SH3PXD2B: variants seen among roughly 807,000 people sequenced by gnomAD.
SH3PXD2B encodes the protein SH3 and PX domains 2B.
In SH3PXD2B, 37 loss-of-function variants were observed where a neutral mutation model predicts 73.1. That is an observed-to-expected ratio of 0.51 (90% CI 0.39 to 0.67). The LOEUF is 0.67. SH3PXD2B is among the 30% of genes least tolerant of loss of function. SH3PXD2B has a pLI of 0.00. For synonymous variants in SH3PXD2B, 457 were observed against 480.5 expected (o/e 0.95, Z 0.64); for missense variants, 1,053 against 1,197.8 (o/e 0.88, Z 1.78).
At chr5:172,423,175 T>C (rs1207780296) in intron 1 of SH3PXD2B, among the ~76,000 whole-genome samples, 2 of 152,040 alleles carry the variant, frequency 1.3e-5, no homozygotes, top group Non-Finnish European at 2.9e-5. Flanking sequence ...CCGGGCAAAC[T>C]GAGGTGACTA....
chr5:172,329,020 T>C (rs561686874), downstream of SH3PXD2B, among the ~76,000 whole-genome samples: 537 of 86,718 alleles, frequency 6.2e-3, 4 homozygotes, highest in African/African-American at 0.019. Context: ...TATATATACA[T>C]ATATACATAT....
chr5:172,451,141 G>C (rs1248486248), intron 1 of SH3PXD2B, among the ~76,000 whole-genome samples: 1 of 152,236 alleles, frequency 6.6e-6, no homozygotes, highest in Non-Finnish European at 1.5e-5. Flanking sequence ...CCATTTCAGA[G>C]GGAGCAGGTG....
At chr5:172,414,529 G>A (rs201169052) in intron 2 of SH3PXD2B, among the ~76,000 whole-genome samples, 19 of 151,682 alleles carry the variant, frequency 1.3e-4, no homozygotes, top group Non-Finnish European at 2.2e-4. Context: ...GGAAACAAGC[G>A]GTTTTTGCTG....
At position 172,350,573 on chromosome 5, in the gene SH3PXD2B, C is replaced by T; in HGVS notation, c.802G>A (p.Gly268Ser). 6.2e-7 allele frequency: 1 copy of T among 1,609,834 alleles called. No homozygotes were observed. The highest frequency in any genetic ancestry group is 8.5e-7 in the Non-Finnish European group (1 of 1,178,158). ...WWKIRYQGKEGWAPASYLKKN... is the reference protein window; with the variant it reads ...WWKIRYQGKESWAPASYLKKN... ...TTTAGGTAGGAGGCGGGGGCCCAGC[C>T]TTCTTTGCCCTGGTACCTGTGAAGA... Residue 268 changes from glycine (G) to serine (S), a missense_variant, in exon 10 of 13, where the codon GGC (glycine) becomes AGC (serine). Gly to Ser is a moderately conservative substitution (Grantham distance 56). Around this residue, in one of 2 missense-constraint regions of SH3PXD2B, gnomAD observed 466 missense variants for 607.1 expected, o/e 0.77. Coordinates refer to ENST00000311601, the MANE Select transcript of SH3PXD2B (RefSeq NM_001017995.3).
intron 8 of SH3PXD2B, among the ~76,000 whole-genome samples, chr5:172,356,206 G>A (rs1757269155): frequency 6.6e-6 from 1 of 152,066 alleles, no homozygotes; most frequent in African/African-American, 2.4e-5. Context: ...GTCCCTTAAA[G>A]GTACTTGAAA....
chr5:172,387,511 C>A (rs1458340578), intron 4 of SH3PXD2B, among the ~76,000 whole-genome samples: 1 of 152,198 alleles, frequency 6.6e-6, no homozygotes, highest in East Asian at 1.9e-4. Flanking sequence ...CCCTTCAGAA[C>A]GGGGCCCTGG....
At chr5:172,414,560 GGA>G (rs1220854695) in intron 2 of SH3PXD2B, among the ~76,000 whole-genome samples, 1 of 151,976 alleles carries the variant, frequency 6.6e-6, no homozygotes, top group African/African-American at 2.4e-5. Context: ...GACAGTCTCT[GGA>G]GAGACAAAGG....
Position 172,338,727 on chromosome 5 carries a change from G to A in SH3PXD2B, c.2378C>T (p.Thr793Ile), listed in dbSNP as rs201261081. The A allele has an allele frequency of 7.4e-6, 12 of 1,614,256 alleles. No homozygotes were observed. The highest frequency in any genetic ancestry group is 1.6e-4 in the Middle Eastern group (1 of 6,062). Residue 793 changes from threonine to isoleucine, a missense_variant, in exon 13 of 13, where the codon ACC becomes ATC. Coordinates refer to ENST00000311601, the MANE Select transcript of SH3PXD2B (RefSeq NM_001017995.3). The surrounding 1 kb of genome is among the most constrained non-coding windows in gnomAD (Gnocchi z 5.1). ...CEGHESRAAP[T>I]PGRALLVPPK... Reference sequence around the variant, plus strand: ...AGGGACGAGGAGAGCACGGCCTGGGGTGGGAGCTGCCCTGCTTTCGTGGCC... The same window carrying A: ...AGGGACGAGGAGAGCACGGCCTGGGATGGGAGCTGCCCTGCTTTCGTGGCC...
chr5:172,387,785 G>A (rs1758091234), intron 4 of SH3PXD2B, among the ~76,000 whole-genome samples: 1 of 152,152 alleles, frequency 6.6e-6, no homozygotes, highest in Admixed American at 6.5e-5. Context: ...ATGAACAGAA[G>A]TTCTTAAATT....
At chr5:172,414,606 G>A (rs1758778559) in intron 2 of SH3PXD2B, among the ~76,000 whole-genome samples, 1 of 152,220 alleles carries the variant, frequency 6.6e-6, no homozygotes, top group African/African-American at 2.4e-5. Context: ...CCTGTGATTT[G>A]AGGCGTCCAA....
At chr5:172,369,842 G>A (rs568667453) in intron 6 of SH3PXD2B, among the ~76,000 whole-genome samples, 3 of 127,938 alleles carry the variant, frequency 2.3e-5, no homozygotes, top group East Asian at 4.9e-4. Context: ...TCCTATCTCA[G>A]GGAGCATTCA....
chr5:172,453,983 G>C (rs968432078), intron 1 of SH3PXD2B, among the ~76,000 whole-genome samples: 1 of 152,038 alleles, frequency 6.6e-6, no homozygotes, highest in Non-Finnish European at 1.5e-5. Flanking sequence ...AGCAGGACGG[G>C]AGTTGGGGGG....
intron 12 of SH3PXD2B, among the ~76,000 whole-genome samples, chr5:172,342,313 G>C (rs1756870445): frequency 6.6e-6 from 1 of 152,194 alleles, no homozygotes; most frequent in Admixed American, 6.5e-5. Context: ...ATGACACCCT[G>C]TGAGTGGGGA....
intron 10 of SH3PXD2B, among the ~76,000 whole-genome samples, chr5:172,348,630 CTATCTA>C (rs1561896303): frequency 2.5e-5 from 2 of 79,976 alleles, no homozygotes; most frequent in African/African-American, 1.3e-4. Flanking sequence ...ATCTATGTAT[CTATCTA>C]TGTATCTATC....
In SH3PXD2B at chr5:172,404,727, C is replaced by G. The variant is rs182231574; in HGVS notation, c.232+1550G>C. ...CTGTTAGTGACCTGCCAGGCATTTACAGAATCATCATAACAACTTCATCAT... is the reference window on the plus strand; with the variant it reads ...CTGTTAGTGACCTGCCAGGCATTTAGAGAATCATCATAACAACTTCATCAT... On this transcript the variant is annotated intron_variant, in intron 3 of 12. Transcript: ENST00000311601. Among the ~76,000 whole-genome samples, 5 of 152,326 alleles carry G rather than the reference C, an allele frequency of 3.3e-5. No individual in the cohort carries two copies. In the East Asian group the frequency reaches 9.6e-4, roughly 29 times the overall value.
At chr5:172,423,226 C>T (rs566777333) in intron 1 of SH3PXD2B, among the ~76,000 whole-genome samples, 3 of 152,256 alleles carry the variant, frequency 2.0e-5, no homozygotes, top group East Asian at 3.9e-4. Context: ...TTGGTGGCCC[C>T]GGACACACCA....
intron 2 of SH3PXD2B, among the ~76,000 whole-genome samples, chr5:172,412,355 C>T (rs370953313): frequency 6.6e-6 from 1 of 152,178 alleles, no homozygotes; most frequent in Admixed American, 6.5e-5. Flanking sequence ...GCTGCTCCTG[C>T]AACTCAGGAG....
chr5:172,365,638 C>T (rs1004462413), intron 6 of SH3PXD2B, among the ~76,000 whole-genome samples: 2 of 152,168 alleles, frequency 1.3e-5, no homozygotes, highest in South Asian at 2.1e-4. Flanking sequence ...GATGACAGTT[C>T]CCCCAAGCCA....
intron 4 of SH3PXD2B, among the ~76,000 whole-genome samples, chr5:172,390,919 G>A (rs1389671713): frequency 6.6e-6 from 1 of 150,962 alleles, no homozygotes; most frequent in African/African-American, 2.4e-5. Flanking sequence ...TCGGCTCACC[G>A]CAATCTCCAC....
Sources: allele counts gnomAD v4.1 joint callset (sites outside exome capture counted in the v4.1 genomes callset), GRCh38; gene constraint gnomAD v4.1.1; regional missense constraint gnomAD v4.1.1; non-coding constraint Gnocchi (gnomAD v3.1); transcripts MANE v1.5; gene names NCBI Gene and HGNC (gene_info 2026-07-23, HGNC 2026-07-21).